Variants in KCND3 observed in about 807,000 individuals in gnomAD.
KCND3 encodes potassium voltage-gated channel subfamily D member 3.
A neutral mutation model predicts 51.1 loss-of-function variants in KCND3; 9 were observed. The ratio of observed to expected loss-of-function variants is 0.18; its 90% confidence interval spans 0.11 to 0.31. The LOEUF (loss-of-function observed/expected upper bound fraction) is 0.31, where lower values mean the gene tolerates loss of function less well. KCND3 is among the 10% of genes least tolerant of loss of function. KCND3 has a pLI of 1.00. For synonymous variants in KCND3, 349 were observed against 368.0 expected (o/e 0.95, Z 0.59); for missense variants, 526 against 903.8 (o/e 0.58, Z 5.36).
rs1350758411 is a variant in KCND3, at chr1:111,982,241, C to T, written c.486G>A (p.Ser162=). Residue 162 remains serine, a synonymous_variant, in exon 2 of 8, where the codon TCG becomes TCA. Coordinates refer to ENST00000302127, the MANE Select transcript of KCND3 (RefSeq NM_001378969.1). This position sits in a 1 kb window ranked among gnomAD's most constrained non-coding sequence, Gnocchi z 8.5. ...GCCACATGGTCTGGCGGAAGCTGAGCGAGGGCATGGACTCCTGGTTGTTCT... is the reference window on the plus strand; with the variant it reads ...GCCACATGGTCTGGCGGAAGCTGAGTGAGGGCATGGACTCCTGGTTGTTCT... The part of the protein sequence containing the change: ...DSENNQESMP[S]LSFRQTMWRA... 1.9e-6 allele frequency: 3 copies of T among 1,614,068 alleles called. No individual in the cohort carries two copies. The highest frequency in any genetic ancestry group is 1.1e-5 in the South Asian group (1 of 91,070).
chr1:111,963,552 G>T (rs1244549425), intron 2 of KCND3, among the ~76,000 whole-genome samples: 1 of 152,202 alleles, frequency 6.6e-6, no homozygotes, highest in Non-Finnish European at 1.5e-5. Context: ...ACATGACCTG[G>T]TCCACCGTAT....
At chr1:111,819,201 A>C (rs1666240401) in intron 2 of KCND3, among the ~76,000 whole-genome samples, 1 of 152,102 alleles carries the variant, frequency 6.6e-6, no homozygotes, top group African/African-American at 2.4e-5. Context: ...ACTCTACTGC[A>C]GGGGGAAGAG....
chr1:111,968,736 C>T (rs913721906), intron 2 of KCND3, among the ~76,000 whole-genome samples: 1 of 152,178 alleles, frequency 6.6e-6, no homozygotes, highest in Non-Finnish European at 1.5e-5. Context: ...CTGACAGGCT[C>T]CCCCACCTGG....
chr1:111,913,134 T>C (rs1302200155), intron 2 of KCND3, among the ~76,000 whole-genome samples: 1 of 152,228 alleles, frequency 6.6e-6, no homozygotes, highest in Non-Finnish European at 1.5e-5. Context: ...ATTTTTACTG[T>C]ACCTTTTCTA....
chr1:111,860,420 G>T (rs995259400), intron 2 of KCND3, among the ~76,000 whole-genome samples: 1 of 152,180 alleles, frequency 6.6e-6, no homozygotes, highest in Non-Finnish European at 1.5e-5. Context: ...CAAAAACTGG[G>T]TTGCTGACAG....
intron 2 of KCND3, among the ~76,000 whole-genome samples, chr1:111,877,197 T>C (rs1669087291): frequency 6.6e-6 from 1 of 152,256 alleles, no homozygotes. Flanking sequence ...AGTGAATTCA[T>C]ACTGAGCACT....
At chr1:111,854,686 TG>T (rs1363055776) in intron 2 of KCND3, among the ~76,000 whole-genome samples, 1 of 152,226 alleles carries the variant, frequency 6.6e-6, no homozygotes, top group Admixed American at 6.5e-5. Flanking sequence ...TCTTAGTTGC[TG>T]CTACTAAAAT....
chr1:111,821,734 T>C (rs1343173010), intron 2 of KCND3, among the ~76,000 whole-genome samples: 2 of 152,208 alleles, frequency 1.3e-5, no homozygotes, highest in African/African-American at 4.8e-5. Flanking sequence ...TGTCTCACCC[T>C]GGGCTCTTGT....
In KCND3 at chr1:111,776,139, G is replaced by A; in HGVS notation, c.1906C>T (p.Pro636Ser). 1 of 1,614,222 alleles carries A rather than the reference G, an allele frequency of 6.2e-7. No homozygotes were observed. The highest frequency in any genetic ancestry group is 8.5e-7 in the Non-Finnish European group (1 of 1,180,042). The change falls in exon 8 of 8, where the codon CCA becomes TCA. Residue 636 changes from proline (P) to serine (S), a missense_variant. This residue lies in a region of KCND3 where 266 missense variants were observed against 305.5 expected (regional missense o/e 0.87). Coordinates refer to ENST00000302127, the MANE Select transcript of KCND3 (RefSeq NM_001378969.1). ...GAAGGAATGTTCGTGTTGGGGCCTG[G>A]GCTGGCAGGGGGTGGCCGACTTTCC... ...EGESRPPPAS[P>S]GPNTNIPSIA...
intron 2 of KCND3, among the ~76,000 whole-genome samples, chr1:111,849,749 G>T (rs1236516111): frequency 6.6e-6 from 1 of 152,150 alleles, no homozygotes; most frequent in African/African-American, 2.4e-5. Flanking sequence ...TCCAGGCCTG[G>T]CTCAACCTAG....
chr1:111,775,985 A>T lies in KCND3; in HGVS notation c.*92T>A, dbSNP rs1400690106. On this transcript the variant is annotated 3_prime_UTR_variant, in exon 8 of 8. Transcript: ENST00000302127. ...AATGGGGCAGGCAGAAATAGTGGGGAAAGGGGGGAGGGAGTGGTCTCAGTG... is the reference window on the plus strand; with the variant it reads ...AATGGGGCAGGCAGAAATAGTGGGGTAAGGGGGGAGGGAGTGGTCTCAGTG... 7.4e-7 allele frequency: 1 copy of T among 1,356,016 alleles called. No homozygotes were observed. Among genetic ancestry groups the T allele is most frequent in the Non-Finnish European group, 1.1e-6 (1 of 949,182 alleles). The allele number at this position is 1,356,016 out of a possible 1,614,324, so 84.0% of individuals were successfully genotyped here. A position where few individuals can be genotyped will look rare whatever the true frequency, so the allele number is the denominator to read the frequency against.
intron 2 of KCND3, among the ~76,000 whole-genome samples, chr1:111,822,238 T>C (rs1666385080): frequency 6.6e-6 from 1 of 152,234 alleles, no homozygotes; most frequent in Non-Finnish European, 1.5e-5. Flanking sequence ...ATATATAACA[T>C]AAAATGTATA....
chr1:111,830,467 A>G (rs1450118148), intron 2 of KCND3, among the ~76,000 whole-genome samples: 2 of 152,178 alleles, frequency 1.3e-5, no homozygotes, highest in Non-Finnish European at 2.9e-5. Flanking sequence ...TGACCAGGCT[A>G]GGACCCAAGT....
At chr1:111,852,489 C>T (rs1481162819) in intron 2 of KCND3, among the ~76,000 whole-genome samples, 7 of 152,196 alleles carry the variant, frequency 4.6e-5, no homozygotes, top group Non-Finnish European at 7.3e-5. Flanking sequence ...GCTCTGTCTC[C>T]GGCACCTTCT....
chr1:111,854,855 C>A (rs12562380), intron 2 of KCND3, among the ~76,000 whole-genome samples: 17,199 of 152,182 alleles, frequency 0.11, 1,402 homozygotes, highest in East Asian at 0.41. Context: ...CTCCTGGTGC[C>A]GGGCTACTCT....
intron 2 of KCND3, among the ~76,000 whole-genome samples, chr1:111,954,408 T>C (rs758110636): frequency 6.6e-6 from 1 of 152,214 alleles, no homozygotes; most frequent in Non-Finnish European, 1.5e-5. Flanking sequence ...GTTATGATTA[T>C]TAAACTGAAC....
chr1:111,816,400 G>A (rs927393497), intron 2 of KCND3, among the ~76,000 whole-genome samples: 2 of 152,270 alleles, frequency 1.3e-5, no homozygotes, highest in Non-Finnish European at 2.9e-5. Flanking sequence ...AAAGCTTTGC[G>A]TGCATTCGCA....
chr1:111,778,288 G>T (rs1664218262), intron 6 of KCND3, 148 bp downstream of exon 6: 2 of 803,104 alleles, frequency 2.5e-6, no homozygotes, highest in Non-Finnish European at 4.5e-6. Flanking sequence ...GCCTGAGCTG[G>T]TGCTGGGTGT....
intron 2 of KCND3, among the ~76,000 whole-genome samples, chr1:111,885,984 G>A (rs2798332): frequency 0.011 from 1,745 of 152,168 alleles, 33 homozygotes; most frequent in African/African-American, 0.039. Context: ...TGTTTCGATC[G>A]CTAGACATGA....
Sources: allele counts gnomAD v4.1 joint callset (sites outside exome capture counted in the v4.1 genomes callset), GRCh38; gene constraint gnomAD v4.1.1; regional missense constraint gnomAD v4.1.1; non-coding constraint Gnocchi (gnomAD v3.1); transcripts MANE v1.5; gene names NCBI Gene and HGNC (gene_info 2026-07-23, HGNC 2026-07-21).